The following SSH2 variants were observed in gnomAD, a reference collection of about 807,000 sequenced individuals.
SSH2 encodes slingshot protein phosphatase 2.
In SSH2, 37 loss-of-function variants were observed where a neutral mutation model predicts 135.2. That is an observed-to-expected ratio of 0.27 (90% CI 0.21 to 0.36). The LOEUF (loss-of-function observed/expected upper bound fraction) is 0.36, where lower values mean the gene tolerates loss of function less well. Ranked by LOEUF, SSH2 falls within the 10% of genes least tolerant of loss-of-function variation. SSH2 has a pLI of 1.00. For synonymous variants in SSH2, 628 were observed against 646.2 expected, an observed-to-expected ratio of 0.97 and a Z score of 0.43; for missense variants, 1,408 against 1,765.3, an observed-to-expected ratio of 0.80 and a Z score of 3.63.
intron 1 of SSH2, among the ~76,000 whole-genome samples, chr17:29,872,293 T>C (rs542753622): frequency 6.6e-6 from 1 of 152,294 alleles, no homozygotes; most frequent in South Asian, 2.1e-4. Flanking sequence ...CAGTATAACA[T>C]CAACATGAAC....
chr17:29,659,522 A>G (rs951333682), intron 11 of SSH2, among the ~76,000 whole-genome samples: 7 of 152,018 alleles, frequency 4.6e-5, no homozygotes, highest in African/African-American at 1.7e-4. Context: ...AAAGGCAGAC[A>G]TTTTATTTTA....
chr17:29,771,423 T>C (rs2151273276), intron 3 of SSH2, among the ~76,000 whole-genome samples: 1 of 152,378 alleles, frequency 6.6e-6, no homozygotes, highest in African/African-American at 2.4e-5. Flanking sequence ...TTTCTTAAGA[T>C]ATATCATCTT....
At chr17:29,782,621 T>C (rs2041863462) in intron 3 of SSH2, among the ~76,000 whole-genome samples, 1 of 151,914 alleles carries the variant, frequency 6.6e-6, no homozygotes, top group Admixed American at 6.6e-5. Flanking sequence ...AGTCTCATTC[T>C]GTCGCCCAGG....
chr17:29,928,923 A>T lies in SSH2; in HGVS notation c.63+1015T>A, dbSNP rs191185734. ...AAAATTACAGTTCTGTAGGAAGTTCAAGGTGGTTTTCCCAGTTGCTCGCAT... is the reference window on the plus strand; with the variant it reads ...AAAATTACAGTTCTGTAGGAAGTTCTAGGTGGTTTTCCCAGTTGCTCGCAT... On this transcript the variant is annotated intron_variant, in intron 1 of 15. Transcript: ENST00000540801. 4.6e-4 allele frequency among the ~76,000 whole-genome samples: 70 copies of T among 152,318 alleles called. No individual in the cohort carries two copies. In the Middle Eastern group the frequency reaches 0.014, roughly 30 times the overall value.
In SSH2 at chr17:29,631,688, C is replaced by A; in HGVS notation, c.3506G>T (p.Gly1169Val). 1 of 1,614,190 alleles carries A rather than the reference C, an allele frequency of 6.2e-7. No homozygotes were observed. The highest frequency in any genetic ancestry group is 8.5e-7 in the Non-Finnish European group (1 of 1,180,030). The change falls in exon 16 of 16, where the codon GGC (glycine) becomes GTC (valine). Residue 1169 changes from glycine (G) to valine (V), a missense_variant. Coordinates refer to ENST00000540801, the MANE Select transcript of SSH2 (RefSeq NM_001282129.2). ...LHPQTMVHLE[G>V]FTEQSSTTDE... ...TGTAGTGCTGCTCTGCTCTGTGAAGCCCTCCAGGTGAACCATAGTCTGGGG... is the reference window on the plus strand; with the variant it reads ...TGTAGTGCTGCTCTGCTCTGTGAAGACCTCCAGGTGAACCATAGTCTGGGG...
intron 1 of SSH2, among the ~76,000 whole-genome samples, chr17:29,915,007 T>A (rs2066856826): frequency 6.6e-6 from 1 of 152,192 alleles, no homozygotes; most frequent in Non-Finnish European, 1.5e-5. Flanking sequence ...TAAAATTTAA[T>A]AGAAAACCAT....
chr17:29,884,043 G>C (rs149403342), intron 1 of SSH2, among the ~76,000 whole-genome samples: 43 of 152,114 alleles, frequency 2.8e-4, no homozygotes, highest in African/African-American at 9.6e-4. Flanking sequence ...CGAACTCCTG[G>C]GCTCAAGCAA....
chr17:29,718,389 C>T (rs971301881), intron 3 of SSH2, among the ~76,000 whole-genome samples: 1 of 152,136 alleles, frequency 6.6e-6, no homozygotes, highest in African/African-American at 2.4e-5. Flanking sequence ...TATTAGTTAT[C>T]TATTGATGCA....
intron 1 of SSH2, chr17:29,928,343 C>T (rs981042452): frequency 2.0e-5 from 8 of 392,586 alleles, no homozygotes; most frequent in Non-Finnish European, 3.6e-5. Flanking sequence ...AAATGTTTTA[C>T]CAGCTTTGAA....
At position 29,679,185 on chromosome 17, in the gene SSH2, C is replaced by G. The variant is rs139127445; in HGVS notation, c.480-1444G>C. Among the ~76,000 whole-genome samples the G allele has an allele frequency of 9.1e-4, 139 of 152,220 alleles. 8 individuals are homozygous for G. The East Asian group carries it at 0.018, about 20-fold the overall frequency. On this transcript the variant is annotated intron_variant, in intron 6 of 15. Coordinates refer to ENST00000540801, the MANE Select transcript of SSH2 (RefSeq NM_001282129.2). ...CTATCTCTCCTTAACGCTGCTGTAACTGCTTTCCCACTCTGGCTAGTCTCC... is the reference window on the plus strand; with the variant it reads ...CTATCTCTCCTTAACGCTGCTGTAAGTGCTTTCCCACTCTGGCTAGTCTCC...
intron 3 of SSH2, among the ~76,000 whole-genome samples, chr17:29,766,313 A>G (rs937131576): frequency 4.6e-5 from 7 of 151,506 alleles, no homozygotes; most frequent in African/African-American, 7.3e-5. Context: ...TGGGCAAGAT[A>G]GTGAGACCCT....
At chr17:29,846,002 G>T (rs554578235) in intron 2 of SSH2, among the ~76,000 whole-genome samples, 1 of 151,902 alleles carries the variant, frequency 6.6e-6, no homozygotes, top group East Asian at 1.9e-4. Flanking sequence ...TAATATGCCA[G>T]TATAATAAGT....
In SSH2 at chr17:29,643,152, T is replaced by G. The variant is rs554060096; in HGVS notation, c.1427+4992A>C. The G allele has an allele frequency of 3.3e-5, 33 of 985,410 alleles. 1 individual carries two copies. In the African/African-American group the frequency reaches 5.8e-4, roughly 17 times the overall value. 61.0% of individuals were successfully genotyped at this position (985,410 alleles called of 1,614,324 possible). A position where few individuals can be genotyped will look rare whatever the true frequency, so the allele number is the denominator to read the frequency against. ...CATACAGTCATAGGAGTCTGGAGAT[T>G]TTTTTCTTTGCTCTTCTAAGCAGGC... On this transcript the variant is annotated intron_variant, in intron 14 of 15. Coordinates refer to ENST00000540801, the MANE Select transcript of SSH2 (RefSeq NM_001282129.2).
At chr17:29,651,374 G>A (rs945796793) in intron 12 of SSH2, among the ~76,000 whole-genome samples, 11 of 152,154 alleles carry the variant, frequency 7.2e-5, no homozygotes, top group Non-Finnish European at 1.0e-4. Context: ...GAGAAAAGCC[G>A]GACTTAAAAC....
chr17:29,867,036 C>T (rs2065865994), intron 1 of SSH2, among the ~76,000 whole-genome samples: 2 of 151,570 alleles, frequency 1.3e-5, no homozygotes, highest in Admixed American at 1.3e-4. Context: ...GAAATGGGGT[C>T]TCCCTGTTGC....
Position 29,653,588 on chromosome 17 carries a change from A to AT in SSH2, c.1079+1972dup, listed in dbSNP as rs397956156. On this transcript the variant is annotated intron_variant, in intron 12 of 15. Coordinates refer to ENST00000540801, the MANE Select transcript of SSH2 (RefSeq NM_001282129.2). ...GTATCTAGGTTTCCCAGAAGTACAG[A>AT]TTTTTTTTTTTTTCCCCAGACAGAG... Among the ~76,000 whole-genome samples the AT allele has an allele frequency of 3.7e-3, 539 of 145,932 alleles. 2 individuals are homozygous for AT. The highest frequency in any genetic ancestry group is 5.4e-3 in the Non-Finnish European group (354 of 65,854).
In SSH2 at chr17:29,628,606, T is replaced by A. The variant is rs2035566806; in HGVS notation, c.*2235A>T. 1 of 152,154 alleles carries A rather than the reference T, an allele frequency of 6.6e-6. No individual in the cohort carries two copies. Among genetic ancestry groups the A allele is most frequent in the African/African-American group, 2.4e-5 (1 of 41,442 alleles). The allele number at this position is 152,154 out of a possible 1,614,324, so 9.4% of individuals were successfully genotyped here. ...CTTCAAGAAGGCAGGGTATTCTACA[T>A]GGAAGAGCTCTGGAAATCCATAACC... On this transcript the variant is annotated 3_prime_UTR_variant, in exon 16 of 16. Coordinates refer to ENST00000540801, the MANE Select transcript of SSH2 (RefSeq NM_001282129.2).
intron 4 of SSH2, among the ~76,000 whole-genome samples, chr17:29,701,063 C>G (rs751247774): frequency 6.6e-6 from 1 of 152,028 alleles, no homozygotes; most frequent in African/African-American, 2.4e-5. Flanking sequence ...CTCCGCCTCC[C>G]GGGTTCACAC....
chr17:29,796,585 G>A lies in SSH2; in HGVS notation c.145-2648C>T, dbSNP rs538157749. Among the ~76,000 whole-genome samples the A allele has an allele frequency of 7.9e-5, 12 of 151,930 alleles. No homozygotes were observed. In the South Asian group the frequency reaches 1.2e-3, roughly 16 times the overall value. On this transcript the variant is annotated intron_variant, in intron 2 of 15. Transcript: ENST00000540801. Reference sequence around the variant, plus strand: ...TCGAACTCCTGACCTCAGGTGATCCGCCCACCTCGGCCTCCCATGGTCTAG... The same window carrying A: ...TCGAACTCCTGACCTCAGGTGATCCACCCACCTCGGCCTCCCATGGTCTAG...
Sources: allele counts gnomAD v4.1 joint callset (sites outside exome capture counted in the v4.1 genomes callset), GRCh38; gene constraint gnomAD v4.1.1; transcripts MANE v1.5; gene names NCBI Gene and HGNC (gene_info 2026-07-23, HGNC 2026-07-21).